The following ZNF71 variants were observed in gnomAD, a reference collection of about 807,000 sequenced individuals.
ZNF71 encodes zinc finger protein 71, also known as endothelial zinc finger protein induced by tumor necrosis factor alpha.
Under a neutral mutation model 6.7 loss-of-function variants are expected in ZNF71, and 3 were observed. The ratio of observed to expected loss-of-function variants is 0.45; its 90% CI spans 0.20 to 1.16. The LOEUF (loss-of-function observed/expected upper bound fraction) is 1.16. ZNF71 is among the 50% of genes most tolerant of loss of function. The pLI is 0.25. For missense variants in ZNF71, 688 were observed against 728.6 expected (o/e 0.94, Z 0.64); for synonymous variants, 343 against 311.1 (o/e 1.10, Z -1.08).
intron 2 of ZNF71, among the ~76,000 whole-genome samples, chr19:56,611,239 G>A (rs1280089000): frequency 1.3e-5 from 2 of 152,172 alleles, no homozygotes; most frequent in African/African-American, 4.8e-5. Flanking sequence ...TGGGGACAGT[G>A]TGGGGGTCAG....
At chr19:56,601,261 C>A (rs908824446) in intron 1 of ZNF71, among the ~76,000 whole-genome samples, 1 of 152,156 alleles carries the variant, frequency 6.6e-6, no homozygotes, top group Non-Finnish European at 1.5e-5. Context: ...TCAGCCTCCT[C>A]ATCTGTGAAA....
rs145841022 is a variant in ZNF71, at chr19:56,620,772, C to T, written c.161-496C>T. On this transcript the variant is annotated intron_variant, in intron 3 of 3. Transcript: ENST00000599599. ...TTGCCCAGGCTGGTCTCAAGCAATC[C>T]TTGCCTCAGCCTCCCAAAGTGTTGG... is the stretch of plus-strand genomic sequence containing the variant. 2.2e-3 allele frequency among the ~76,000 whole-genome samples: 332 copies of T among 152,244 alleles called. 2 individuals carry two copies. Among genetic ancestry groups the T allele is most frequent in the African/African-American group, 7.8e-3 (324 of 41,550 alleles).
intron 2 of ZNF71, among the ~76,000 whole-genome samples, chr19:56,602,298 C>T (rs2044676852): frequency 6.6e-6 from 1 of 152,010 alleles, no homozygotes; most frequent in Non-Finnish European, 1.5e-5. Flanking sequence ...TTCTTTGTGT[C>T]TTATATGATT....
chr19:56,609,701 G>A (rs912487681), intron 2 of ZNF71, among the ~76,000 whole-genome samples: 1 of 141,518 alleles, frequency 7.1e-6, no homozygotes, highest in African/African-American at 3.1e-5. Flanking sequence ...TGCCTGTTCT[G>A]GACATTGTAC....
At chr19:56,601,377 G>T (rs761520408) in intron 1 of ZNF71, 130 bp from the exon 2 acceptor site, 3 of 168,974 alleles carry the variant, frequency 1.8e-5, no homozygotes, top group Non-Finnish European at 3.6e-5. Flanking sequence ...CACTGTTGAT[G>T]TATGTGTATG....
At chr19:56,597,638 C>T (rs548915210) in intron 1 of ZNF71, among the ~76,000 whole-genome samples, 20 of 152,364 alleles carry the variant, frequency 1.3e-4, no homozygotes, top group South Asian at 4.1e-4. Context: ...AACTCTGCTT[C>T]GCAGAGGCGA....
At chr19:56,600,776 A>ATT (rs1168655461) in intron 1 of ZNF71, among the ~76,000 whole-genome samples, 2 of 152,096 alleles carry the variant, frequency 1.3e-5, no homozygotes, top group Non-Finnish European at 2.9e-5. Context: ...GGTTGCAGGG[A>ATT]TGTTAAGATA....
In ZNF71 at chr19:56,622,409, C is replaced by T. The variant is rs757397832; in HGVS notation, c.1302C>T (p.Arg434=). 34 of 1,611,928 alleles carry T rather than the reference C, an allele frequency of 2.1e-5. No individual in the cohort carries two copies. Among genetic ancestry groups the T allele is most frequent in the Middle Eastern group, 1.7e-4 (1 of 6,060 alleles). The change falls in exon 4 of 4, where the codon CGC becomes CGT. Residue 434 remains arginine, a synonymous_variant. Transcript: ENST00000599599. ...ACTCCTCGCTCACGCAGCACCAGCG[C>T]ATCCACACCGGCGAGAAGCCCTACG... ...SKNSSLTQHQ[R]IHTGEKPYEC... is the part of the protein sequence containing the mutation.
At chr19:56,617,338 T>C (rs1285714540) in intron 3 of ZNF71, among the ~76,000 whole-genome samples, 1 of 152,194 alleles carries the variant, frequency 6.6e-6, no homozygotes, top group East Asian at 1.9e-4. Flanking sequence ...CTCAAACTCC[T>C]GACCAAGTGA....
chr19:56,614,688 C>G (rs189911576), intron 3 of ZNF71, among the ~76,000 whole-genome samples: 2 of 152,322 alleles, frequency 1.3e-5, no homozygotes, highest in Non-Finnish European at 2.9e-5. Flanking sequence ...CTTTTGTAAT[C>G]AGAGCGTGGT....
At chr19:56,606,583 C>A (rs527593352) in intron 2 of ZNF71, among the ~76,000 whole-genome samples, 2 of 152,244 alleles carry the variant, frequency 1.3e-5, no homozygotes, top group South Asian at 4.1e-4. Context: ...TGTTGGATGG[C>A]AGCTGGGCTA....
chr19:56,621,166 T>C (rs368245917), intron 3 of ZNF71, 102 bp from the exon 4 acceptor site: 8 of 1,207,890 alleles, frequency 6.6e-6, no homozygotes, highest in Non-Finnish European at 9.0e-6. Context: ...GCCTTGGGCC[T>C]CATTGGGGTC....
intron 2 of ZNF71, among the ~76,000 whole-genome samples, chr19:56,612,702 A>G (rs758260733): frequency 2.2e-4 from 34 of 152,322 alleles, no homozygotes; most frequent in South Asian, 1.2e-3. Flanking sequence ...TGATGGGTGC[A>G]CTAAAATCCC....
Position 56,614,035 on chromosome 19 carries a change from T to G in ZNF71, c.160+97T>G, listed in dbSNP as rs1460932046. ...AAAAAGATCAACAGATCTGACTACA[T>G]GGAAAGTTTTAAAATTTGCTCTACT... On this transcript the variant is annotated intron_variant, in intron 3 of 3. Coordinates refer to ENST00000599599, the MANE Select transcript of ZNF71 (RefSeq NM_001370215.1). 27 of 991,456 alleles carry G rather than the reference T, an allele frequency of 2.7e-5. 1 individual carries two copies. The highest frequency in any genetic ancestry group is 3.3e-5 in the Non-Finnish European group (27 of 818,342). The allele number at this position is 991,456 out of a possible 1,614,324, so 61.4% of individuals were successfully genotyped here.
intron 2 of ZNF71, among the ~76,000 whole-genome samples, chr19:56,601,834 CT>C (rs1196170790): frequency 2.0e-5 from 3 of 152,106 alleles, no homozygotes; most frequent in Admixed American, 1.3e-4. Context: ...AGGTGGGCAC[CT>C]GTGGGAAGTG....
chr19:56,620,075 A>G (rs1419792676), intron 3 of ZNF71, among the ~76,000 whole-genome samples: 3 of 152,232 alleles, frequency 2.0e-5, no homozygotes, highest in East Asian at 1.9e-4. Flanking sequence ...TGACGTAGCA[A>G]CAGAAGCAAT....
chr19:56,621,194 C>G (rs944048964), intron 3 of ZNF71, 74 bp from the exon 4 acceptor site: 2 of 1,454,106 alleles, frequency 1.4e-6, no homozygotes, highest in African/African-American at 2.8e-5. Flanking sequence ...TTTGCTCCTT[C>G]CTGCTGTGGA....
chr19:56,615,652 G>A (rs1044229832), intron 3 of ZNF71, among the ~76,000 whole-genome samples: 4 of 151,014 alleles, frequency 2.6e-5, no homozygotes, highest in South Asian at 4.2e-4. Flanking sequence ...TATCCATTGC[G>A]TCACAGAGCC....
intron 1 of ZNF71, among the ~76,000 whole-genome samples, chr19:56,596,618 AT>A (rs1475240253): frequency 6.6e-6 from 1 of 152,158 alleles, no homozygotes; most frequent in Non-Finnish European, 1.5e-5. Context: ...GGAGAGGTTG[AT>A]TTGTTCAGGG....
Sources: allele counts gnomAD v4.1 joint callset (sites outside exome capture counted in the v4.1 genomes callset), GRCh38; gene constraint gnomAD v4.1.1; transcripts MANE v1.5; gene names NCBI Gene and HGNC (gene_info 2026-07-23, HGNC 2026-07-21).